The following EXOC4 variants were observed in gnomAD, a reference collection of about 807,000 sequenced individuals.
EXOC4 encodes the protein SEC8-like 1.
Under a neutral mutation model 107.2 loss-of-function variants are expected in EXOC4, and 71 were observed. The observed-to-expected ratio is 0.66, with a 90% CI of 0.55 to 0.81. The LOEUF (loss-of-function observed/expected upper bound fraction) is 0.81. EXOC4 is among the 30% of genes least tolerant of loss of function. The pLI is 0.00. For missense variants in EXOC4, 1,108 were observed against 1,189.6 expected, an observed-to-expected ratio of 0.93 and a Z score of 1.01; for synonymous variants, 456 against 441.2, an observed-to-expected ratio of 1.03 and a Z score of -0.42.
chr7:133,334,697 C>T (rs996805318), intron 5 of EXOC4, among the ~76,000 whole-genome samples: 2 of 152,054 alleles, frequency 1.3e-5, no homozygotes, highest in African/African-American at 4.8e-5. Flanking sequence ...TTCTGATTCT[C>T]TCCCTCCTCC....
chr7:133,392,377 T>A (rs1187411663), intron 7 of EXOC4, among the ~76,000 whole-genome samples: 2 of 152,168 alleles, frequency 1.3e-5, no homozygotes, highest in African/African-American at 4.8e-5. Context: ...GTACCATCCC[T>A]CCTGGTGTTG....
At chr7:134,012,082 C>A (rs1794780870) in intron 17 of EXOC4, among the ~76,000 whole-genome samples, 1 of 152,114 alleles carries the variant, frequency 6.6e-6, no homozygotes, top group Non-Finnish European at 1.5e-5. Flanking sequence ...GAGATGAAGT[C>A]TGAGGTTTGA....
intron 10 of EXOC4, among the ~76,000 whole-genome samples, chr7:133,769,864 A>G (rs1474233882): frequency 6.6e-6 from 1 of 151,810 alleles, no homozygotes; most frequent in East Asian, 1.9e-4. Flanking sequence ...CTCCAGTTCT[A>G]TTTCCCATCC....
At chr7:133,506,589 G>A (rs966674715) in intron 9 of EXOC4, among the ~76,000 whole-genome samples, 1 of 152,048 alleles carries the variant, frequency 6.6e-6, no homozygotes, top group African/African-American at 2.4e-5. Flanking sequence ...TAATATAGAA[G>A]ATGAATCATT....
intron 12 of EXOC4, among the ~76,000 whole-genome samples, chr7:133,911,198 T>C (rs1370374051): frequency 6.6e-6 from 1 of 152,196 alleles, no homozygotes; most frequent in Admixed American, 6.5e-5. Flanking sequence ...ATGGTTCTGG[T>C]AGGGATGATT....
chr7:133,505,047 G>A (rs1433035642), intron 9 of EXOC4, among the ~76,000 whole-genome samples: 1 of 152,092 alleles, frequency 6.6e-6, no homozygotes, highest in Non-Finnish European at 1.5e-5. Flanking sequence ...TGGAAACACT[G>A]GAGTTGTTGA....
intron 10 of EXOC4, among the ~76,000 whole-genome samples, chr7:133,669,288 G>A (rs149752131): frequency 2.9e-4 from 44 of 152,142 alleles, no homozygotes; most frequent in Admixed American, 1.0e-3. Context: ...GAGCTCCTAT[G>A]GCCTGGCTGG....
chr7:133,590,471 C>T (rs1416453102), intron 9 of EXOC4, among the ~76,000 whole-genome samples: 2 of 152,076 alleles, frequency 1.3e-5, no homozygotes, highest in Non-Finnish European at 2.9e-5. Flanking sequence ...CCTGTTTTCT[C>T]ATCCAAATGC....
At chr7:133,766,860 A>G (rs530725142) in intron 10 of EXOC4, among the ~76,000 whole-genome samples, 1 of 152,076 alleles carries the variant, frequency 6.6e-6, no homozygotes, top group Non-Finnish European at 1.5e-5. Context: ...CAGGGTTGCA[A>G]ACCTATTCGA....
At chr7:133,796,823 C>T (rs950159106) in intron 10 of EXOC4, among the ~76,000 whole-genome samples, 1 of 152,136 alleles carries the variant, frequency 6.6e-6, no homozygotes, top group African/African-American at 2.4e-5. Context: ...CTGACTTCAT[C>T]GAAGGCTCCT....
At chr7:133,477,670 G>A (rs1257192518) in intron 8 of EXOC4, among the ~76,000 whole-genome samples, 3 of 152,116 alleles carry the variant, frequency 2.0e-5, no homozygotes, top group African/African-American at 4.8e-5. Context: ...TAAATACCTG[G>A]GAGCAACATT....
intron 11 of EXOC4, among the ~76,000 whole-genome samples, chr7:133,872,040 C>A (rs1414887139): frequency 6.6e-6 from 1 of 151,820 alleles, no homozygotes; most frequent in African/African-American, 2.4e-5. Context: ...AAAGAAGAGG[C>A]AAAATGGCCT....
chr7:133,793,435 G>A (rs1796747651), intron 10 of EXOC4, among the ~76,000 whole-genome samples: 1 of 152,150 alleles, frequency 6.6e-6, no homozygotes, highest in South Asian at 2.1e-4. Context: ...TGATTTGGGG[G>A]ATCTGCCACC....
At position 133,761,305 on chromosome 7, in the gene EXOC4, G is replaced by C. The variant is rs73453269; in HGVS notation, c.1515-56020G>C. 3.5e-3 allele frequency among the ~76,000 whole-genome samples: 527 copies of C among 152,184 alleles called. 7 individuals carry two copies. The highest frequency in any genetic ancestry group is 0.012 in the African/African-American group (513 of 41,514). On this transcript the variant is annotated intron_variant, in intron 10 of 17. Transcript: ENST00000253861. ...CTTGGATAACACTATTTCTTCTAAA[G>C]TATCTGAAACAGACTCATGAAACTC...
intron 17 of EXOC4, among the ~76,000 whole-genome samples, chr7:134,056,651 C>T (rs540402221): frequency 3.3e-5 from 5 of 152,312 alleles, no homozygotes; most frequent in African/African-American, 1.2e-4. Context: ...GATCTTCCTC[C>T]AGCCCTTTTG....
intron 1 of EXOC4, among the ~76,000 whole-genome samples, chr7:133,265,772 G>A (rs1413811793): frequency 1.3e-5 from 2 of 152,152 alleles, no homozygotes; most frequent in African/African-American, 4.8e-5. Flanking sequence ...CCGATTAACT[G>A]TTTTCAGAAA....
chr7:133,788,172 CT>C (rs1381320846), intron 10 of EXOC4, among the ~76,000 whole-genome samples: 1 of 150,346 alleles, frequency 6.7e-6, no homozygotes, highest in Non-Finnish European at 1.5e-5. Context: ...TATCTCAGGG[CT>C]CAGTTTTAGA....
At chr7:133,375,607 GT>G in intron 7 of EXOC4, among the ~76,000 whole-genome samples, 1 of 152,066 alleles carries the variant, frequency 6.6e-6, no homozygotes, top group South Asian at 2.1e-4. Flanking sequence ...ATATATTAAG[GT>G]AAAAAACATT....
intron 5 of EXOC4, among the ~76,000 whole-genome samples, chr7:133,344,701 T>A (rs920637430): frequency 1.3e-5 from 2 of 152,244 alleles, no homozygotes; most frequent in African/African-American, 2.4e-5. Context: ...ATCCCATCCC[T>A]ATAGTCAGCT....
Sources: gnomAD v4.1 joint callset for allele counts (sites outside exome capture counted in the v4.1 genomes callset) on GRCh38, gnomAD v4.1.1 for gene constraint, MANE v1.5 for transcripts, NCBI Gene and HGNC (gene_info 2026-07-23, HGNC 2026-07-21) for gene names.